Variants in FREM2 observed in about 807,000 individuals in gnomAD.
The protein encoded by FREM2 is FRAS1 related extracellular matrix 2.
FREM2 carries 119 observed loss-of-function variants against 219.9 expected under a neutral mutation model. The ratio of observed to expected loss-of-function variants is 0.54; its 90% CI spans 0.47 to 0.63. The LOEUF is 0.63. Among genes scored for constraint, FREM2 ranks in the 30% least tolerant of loss-of-function variants. The pLI is 0.00. For missense variants in FREM2, 4,030 were observed against 3,993.6 expected (o/e 1.01, Z -0.25); for synonymous variants, 1,562 against 1,522.8 (o/e 1.03, Z -0.60).
At chr13:38,781,749 A>G (rs1232269340) in intron 4 of FREM2, among the ~76,000 whole-genome samples, 1 of 152,222 alleles carries the variant, frequency 6.6e-6, no homozygotes, top group Non-Finnish European at 1.5e-5. Context: ...TGACTATTTT[A>G]GAAAGGAGGG....
At chr13:38,785,080 CTT>C (rs1874273539) in intron 6 of FREM2, among the ~76,000 whole-genome samples, 1 of 152,180 alleles carries the variant, frequency 6.6e-6, no homozygotes, top group South Asian at 2.1e-4. Flanking sequence ...GGTGATTAAA[CTT>C]TTGACATTTC....
intron 2 of FREM2, among the ~76,000 whole-genome samples, chr13:38,707,559 T>A (rs1870590137): frequency 6.6e-6 from 1 of 152,188 alleles, no homozygotes; most frequent in South Asian, 2.1e-4. Flanking sequence ...CTGGATTTTT[T>A]AGCACAGGAA....
intron 11 of FREM2, among the ~76,000 whole-genome samples, chr13:38,855,762 TACA>T (rs1344370737): frequency 6.6e-6 from 1 of 152,080 alleles, no homozygotes; most frequent in Non-Finnish European, 1.5e-5. Context: ...GGTGTAAGAC[TACA>T]AATTGGGTAC....
At chr13:38,707,502 T>G (rs992065581) in intron 2 of FREM2, among the ~76,000 whole-genome samples, 7 of 152,210 alleles carry the variant, frequency 4.6e-5, no homozygotes, top group Admixed American at 3.9e-4. Flanking sequence ...GAGCTCTGAC[T>G]ACATTACTGC....
intron 2 of FREM2, among the ~76,000 whole-genome samples, chr13:38,709,994 C>T (rs1035687087): frequency 1.3e-5 from 1 of 77,954 alleles, no homozygotes; most frequent in Non-Finnish European, 2.2e-5. Flanking sequence ...AATACACACA[C>T]ACACACACAC....
intron 1 of FREM2, among the ~76,000 whole-genome samples, chr13:38,695,601 G>T (rs1470867556): frequency 1.3e-5 from 2 of 152,182 alleles, no homozygotes; most frequent in Admixed American, 6.5e-5. Flanking sequence ...CAATTTGAAG[G>T]GGTGGGAACA....
intron 2 of FREM2, among the ~76,000 whole-genome samples, chr13:38,725,239 G>T (rs1871468116): frequency 1.3e-5 from 2 of 152,174 alleles, no homozygotes; most frequent in Admixed American, 1.3e-4. Context: ...AGTTCTAGGT[G>T]CAGGATTTAG....
At chr13:38,789,546 GT>G (rs890725060) in intron 6 of FREM2, among the ~76,000 whole-genome samples, 15 of 146,076 alleles carry the variant, frequency 1.0e-4, no homozygotes, top group African/African-American at 3.8e-4. Flanking sequence ...GCTATGTTTG[GT>G]TCTGACTTTT....
intron 6 of FREM2, among the ~76,000 whole-genome samples, chr13:38,813,545 CTCTCTCTCTCTCTCTCTCTATA>C (rs1875616193): frequency 3.6e-5 from 1 of 28,058 alleles, no homozygotes; most frequent in African/African-American, 1.7e-4. Context: ...CTCTCTCTCT[CTCTCTCTCTCTCTCTCTCTATA>C]TATATATATA....
chr13:38,743,807 G>T (rs926334263), intron 2 of FREM2, among the ~76,000 whole-genome samples: 1 of 152,104 alleles, frequency 6.6e-6, no homozygotes, highest in Non-Finnish European at 1.5e-5. Flanking sequence ...TTGTGAGCTT[G>T]CCTTCTGTAT....
At chr13:38,756,917 A>T (rs977309232) in intron 2 of FREM2, among the ~76,000 whole-genome samples, 2 of 152,190 alleles carry the variant, frequency 1.3e-5, no homozygotes, top group Non-Finnish European at 2.9e-5. Flanking sequence ...CACTAAAAAA[A>T]CTGTGAATAG....
At chr13:38,701,696 A>C (rs1870348910) in intron 2 of FREM2, among the ~76,000 whole-genome samples, 1 of 151,974 alleles carries the variant, frequency 6.6e-6, no homozygotes. Context: ...GGCATGCCCC[A>C]CCCTCAACCC....
intron 4 of FREM2, among the ~76,000 whole-genome samples, chr13:38,778,790 TA>T (rs140871313): frequency 1.3e-5 from 2 of 151,128 alleles, no homozygotes; most frequent in East Asian, 1.9e-4. Flanking sequence ...ACCCTGAACT[TA>T]AAAAAAAAGT....
chr13:38,739,097 C>T (rs1293593738), intron 2 of FREM2, among the ~76,000 whole-genome samples: 1 of 152,062 alleles, frequency 6.6e-6, no homozygotes, highest in Non-Finnish European at 1.5e-5. Context: ...ACAGTAAGTA[C>T]ACAATAATTG....
intron 6 of FREM2, among the ~76,000 whole-genome samples, chr13:38,835,685 G>C (rs908801070): frequency 1.3e-5 from 2 of 152,146 alleles, no homozygotes; most frequent in African/African-American, 4.8e-5. Context: ...GTATTCCTGG[G>C]TATTTTATTC....
At chr13:38,801,607 C>A (rs1875011258) in intron 6 of FREM2, among the ~76,000 whole-genome samples, 1 of 151,930 alleles carries the variant, frequency 6.6e-6, no homozygotes, top group Non-Finnish European at 1.5e-5. Flanking sequence ...AAATAACATC[C>A]ATGGTATCTG....
intron 17 of FREM2, 77 bp downstream of exon 17, chr13:38,873,011 T>C: frequency 8.2e-7 from 1 of 1,216,366 alleles, no homozygotes; most frequent in African/African-American, 1.5e-5. Flanking sequence ...TTTTTGCCAT[T>C]GCTAAAAGTA....
At position 38,859,379 on chromosome 13, in the gene FREM2, G is replaced by C. The variant is rs774511438; in HGVS notation, c.7308G>C (p.Leu2436=). ...ACACTTTGACGCGGTACCGGTGGCT[G>C]ATTAGTGCACCTGCGGGCCCTGACG... is the stretch of plus-strand genomic sequence containing the variant. The part of the protein sequence containing the change: ...INDTLTRYRW[L]ISAPAGPDGV... The change falls in exon 14 of 24, where the codon CTG becomes CTC. Residue 2436 remains leucine (L), a synonymous_variant. Transcript: ENST00000280481. The C allele has an allele frequency of 1.2e-6, 2 of 1,614,220 alleles. No homozygotes were observed. Among genetic ancestry groups the C allele is most frequent in the South Asian group, 2.2e-5 (2 of 91,086 alleles).
intron 14 of FREM2, among the ~76,000 whole-genome samples, chr13:38,860,721 C>T (rs1877731134): frequency 6.6e-6 from 1 of 152,110 alleles, no homozygotes; most frequent in South Asian, 2.1e-4. Flanking sequence ...CGTCTTGGTT[C>T]CTTTCATGAT....
Sources: allele counts gnomAD v4.1 joint callset (sites outside exome capture counted in the v4.1 genomes callset), GRCh38; gene constraint gnomAD v4.1.1; transcripts MANE v1.5; gene names NCBI Gene and HGNC (gene_info 2026-07-23, HGNC 2026-07-21).